The following SORCS3 variants were observed in gnomAD, a reference collection of about 807,000 sequenced individuals.
SORCS3 encodes the protein sortilin related VPS10 domain containing receptor 3.
A neutral mutation model predicts 146.3 loss-of-function variants in SORCS3; 57 were observed. That is an observed-to-expected ratio of 0.39 (90% CI 0.31 to 0.49). The LOEUF (loss-of-function observed/expected upper bound fraction) is 0.49. Ranked by LOEUF, SORCS3 falls within the 20% of genes least tolerant of loss-of-function variation. The pLI, the probability that SORCS3 is intolerant of heterozygous loss-of-function variation, is 0.92. For synonymous variants in SORCS3, 653 were observed against 618.5 expected (o/e 1.06, Z -0.83); for missense variants, 1,341 against 1,575.5 (o/e 0.85, Z 2.52).
Position 105,217,134 on chromosome 10 carries a change from G to T in SORCS3, c.2734+12G>T, listed in dbSNP as rs2056670242. On this transcript the variant is annotated intron_variant, in intron 19 of 26. Coordinates refer to ENST00000369701, the MANE Select transcript of SORCS3 (RefSeq NM_014978.3). ...CCTGCATGTGGTTTGTAAGTAGGAG[G>T]CACCATCCCCGTTTTCCCTTTGTTC... is the stretch of plus-strand genomic sequence containing the variant. The T allele has an allele frequency of 6.2e-7, 1 of 1,612,368 alleles. No homozygotes were observed. Among genetic ancestry groups the T allele is most frequent in the African/African-American group, 1.3e-5 (1 of 74,878 alleles).
At chr10:104,978,523 C>A (rs549813622) in intron 4 of SORCS3, among the ~76,000 whole-genome samples, 2 of 152,198 alleles carry the variant, frequency 1.3e-5, no homozygotes, top group South Asian at 2.1e-4. Flanking sequence ...TATTCCCTAT[C>A]TCTAGCCATT....
chr10:105,086,261 G>A (rs935001773), intron 5 of SORCS3, among the ~76,000 whole-genome samples: 1 of 152,196 alleles, frequency 6.6e-6, no homozygotes, highest in African/African-American at 2.4e-5. Context: ...CACATAGCTG[G>A]AGTCAGGTAG....
intron 19 of SORCS3, among the ~76,000 whole-genome samples, chr10:105,219,756 A>G (rs1052632122): frequency 6.6e-6 from 1 of 152,226 alleles, no homozygotes; most frequent in Non-Finnish European, 1.5e-5. Flanking sequence ...AATGAACTTC[A>G]CATTCCTCTA....
At chr10:104,920,049 G>A (rs1334029570) in intron 3 of SORCS3, among the ~76,000 whole-genome samples, 1 of 152,180 alleles carries the variant, frequency 6.6e-6, no homozygotes, top group Non-Finnish European at 1.5e-5. Flanking sequence ...ATGGTAATAT[G>A]GATACTCATC....
At position 105,255,788 on chromosome 10, in the gene SORCS3, A is replaced by G; in HGVS notation, c.3324A>G (p.Thr1108=). The G allele has an allele frequency of 6.2e-7, 1 of 1,613,202 alleles. No homozygotes were observed. The highest frequency in any genetic ancestry group is 8.5e-7 in the Non-Finnish European group (1 of 1,179,474). ...KPGVQVIVYV[T]QLTLAPLVDS... is the part of the protein sequence containing the mutation. The stretch of plus-strand genomic sequence containing the variant: ...GGGTACAAGTCATTGTGTATGTCAC[A>G]CAGCTGACGTTAGGTGAGTGCCACT... Residue 1108 remains threonine, a synonymous_variant, in exon 24 of 27, where the codon ACA becomes ACG. Coordinates refer to ENST00000369701, the MANE Select transcript of SORCS3 (RefSeq NM_014978.3).
At chr10:105,135,682 G>A (rs964035248) in intron 7 of SORCS3, among the ~76,000 whole-genome samples, 1 of 152,154 alleles carries the variant, frequency 6.6e-6, no homozygotes, top group Non-Finnish European at 1.5e-5. Flanking sequence ...TGCATTGATA[G>A]TTCTTCCAGA....
At chr10:105,249,066 G>A (rs1012475751) in intron 22 of SORCS3, among the ~76,000 whole-genome samples, 3 of 152,092 alleles carry the variant, frequency 2.0e-5, no homozygotes, top group Non-Finnish European at 4.4e-5. Context: ...AGAAAAAGAG[G>A]CAAAGGCTAC....
chr10:104,702,312 C>T (rs544066101), intron 1 of SORCS3, among the ~76,000 whole-genome samples: 2 of 152,168 alleles, frequency 1.3e-5, no homozygotes, highest in South Asian at 4.1e-4. Context: ...GAGACCTAGT[C>T]TCTCTTTGTC....
chr10:104,864,818 C>T (rs905719415), intron 2 of SORCS3, among the ~76,000 whole-genome samples: 12 of 152,322 alleles, frequency 7.9e-5, no homozygotes, highest in African/African-American at 2.2e-4. Context: ...ATCTCTAGAA[C>T]AAACCAAGCT....
At chr10:104,705,438 A>G (rs1359132170) in intron 1 of SORCS3, among the ~76,000 whole-genome samples, 3 of 152,184 alleles carry the variant, frequency 2.0e-5, no homozygotes, top group Non-Finnish European at 4.4e-5. Context: ...ATTAGGTTCA[A>G]CTACATTTTT....
intron 4 of SORCS3, among the ~76,000 whole-genome samples, chr10:104,985,035 T>C (rs552907526): frequency 6.6e-6 from 1 of 152,274 alleles, no homozygotes; most frequent in East Asian, 1.9e-4. Flanking sequence ...TTTCTTAAAA[T>C]GAGGTAACAG....
intron 4 of SORCS3, among the ~76,000 whole-genome samples, chr10:104,996,822 T>A (rs1340056): frequency 0.55 from 82,894 of 151,454 alleles, 25,869 homozygotes; most frequent in African/African-American, 0.87. Flanking sequence ...GAAAAAAAAA[T>A]TTTTACTACC....
intron 5 of SORCS3, among the ~76,000 whole-genome samples, chr10:105,073,969 A>G (rs1324519062): frequency 2.0e-5 from 3 of 152,162 alleles, no homozygotes; most frequent in East Asian, 1.9e-4. Context: ...AATCATTTCA[A>G]TCCTCCCACT....
chr10:104,925,597 T>C (rs1423482488), intron 3 of SORCS3, among the ~76,000 whole-genome samples: 1 of 152,198 alleles, frequency 6.6e-6, no homozygotes, highest in Non-Finnish European at 1.5e-5. Flanking sequence ...TTTTTGTTTG[T>C]TTGAGGCTTT....
At chr10:105,026,807 A>G (rs927647106) in intron 4 of SORCS3, among the ~76,000 whole-genome samples, 8 of 152,280 alleles carry the variant, frequency 5.3e-5, no homozygotes, top group African/African-American at 1.9e-4. Flanking sequence ...GATGGGAACA[A>G]TATATACTGC....
At chr10:104,877,510 A>G (rs1423768192) in intron 2 of SORCS3, among the ~76,000 whole-genome samples, 1 of 152,216 alleles carries the variant, frequency 6.6e-6, no homozygotes, top group Non-Finnish European at 1.5e-5. Context: ...TACCCCAGTA[A>G]TGTATCTTGC....
chr10:105,198,116 A>G lies in SORCS3; in HGVS notation c.2010-1883A>G, dbSNP rs199789901. ...CTGTTCAAATGCCATGCTGGTATCCAGGTAAATCATGTGCTTCACATTTTC... is the reference window on the plus strand; with the variant it reads ...CTGTTCAAATGCCATGCTGGTATCCGGGTAAATCATGTGCTTCACATTTTC... On this transcript the variant is annotated intron_variant, in intron 14 of 26. Coordinates refer to ENST00000369701, the MANE Select transcript of SORCS3 (RefSeq NM_014978.3). Among the ~76,000 whole-genome samples, 7 of 152,284 alleles carry G rather than the reference A, an allele frequency of 4.6e-5. No individual in the cohort carries two copies. The East Asian group carries it at 9.7e-4, about 21-fold the overall frequency.
rs143965338 is a variant in SORCS3 at position 105,177,757 on chromosome 10, C to T, written c.1902-309C>T. Among the ~76,000 whole-genome samples the T allele has an allele frequency of 5.3e-5, 8 of 152,106 alleles. 1 individual carries two copies. The highest frequency in any genetic ancestry group is 1.0e-4 in the Non-Finnish European group (7 of 68,018). On this transcript the variant is annotated intron_variant, in intron 13 of 26. Transcript: ENST00000369701. ...GAATGGATTGTGCTGTAAATTGAACCTCAGGTTCCATTCTGAGTACTTGAA... is the reference window on the plus strand; with the variant it reads ...GAATGGATTGTGCTGTAAATTGAACTTCAGGTTCCATTCTGAGTACTTGAA...
chr10:104,814,354 C>T (rs985465879), intron 1 of SORCS3, among the ~76,000 whole-genome samples: 2 of 152,172 alleles, frequency 1.3e-5, no homozygotes, highest in African/African-American at 4.8e-5. Flanking sequence ...CTAGACCCTC[C>T]TCCAAAGCCC....
Sources: gnomAD v4.1 joint callset for allele counts (sites outside exome capture counted in the v4.1 genomes callset) on GRCh38, gnomAD v4.1.1 for gene constraint, MANE v1.5 for transcripts, NCBI Gene and HGNC (gene_info 2026-07-23, HGNC 2026-07-21) for gene names.